GLIS3: variants seen among roughly 807,000 people sequenced by gnomAD.
The protein encoded by GLIS3 is zinc finger protein GLIS3.
In GLIS3, 53 loss-of-function variants were observed where a neutral mutation model predicts 78.6. The ratio of observed to expected loss-of-function variants is 0.67; its 90% CI spans 0.54 to 0.85. The LOEUF (loss-of-function observed/expected upper bound fraction) is 0.85, where lower values mean the gene tolerates loss of function less well. Ranked by LOEUF, GLIS3 falls within the 40% of genes least tolerant of loss-of-function variation. GLIS3 has a pLI of 0.00. For synonymous variants in GLIS3, 684 were observed against 509.9 expected (o/e 1.34, Z -4.60); for missense variants, 1,703 against 1,231.1 (o/e 1.38, Z -5.74).
At chr9:4,324,962 G>A (rs1051634020) in intron 2 of GLIS3, among the ~76,000 whole-genome samples, 2 of 152,214 alleles carry the variant, frequency 1.3e-5, no homozygotes, top group African/African-American at 4.8e-5. Flanking sequence ...CTGTGTGCTA[G>A]GTAATATGTC....
intron 2 of GLIS3, 38 bp downstream of exon 2, chr9:4,286,000 G>A (rs199976011): frequency 2.6e-5 from 42 of 1,613,120 alleles, no homozygotes; most frequent in Admixed American, 8.3e-5. Context: ...GAAAAAAATC[G>A]TTTCCATTTT....
At position 4,077,406 on chromosome 9, in the gene GLIS3, T is replaced by C. The variant is rs574806398; in HGVS notation, c.1710+40362A>G. ...AACCAAAACATCCATGCAGCATGTC[T>C]TAGAGACAGGAGAGGGACTGGGCAT... On this transcript the variant is annotated intron_variant, in intron 4 of 10. Coordinates refer to ENST00000381971, the MANE Select transcript of GLIS3 (RefSeq NM_001042413.2). 2.0e-5 allele frequency among the ~76,000 whole-genome samples: 3 copies of C among 152,278 alleles called. No individual in the cohort carries two copies. In the East Asian group the frequency reaches 5.8e-4, roughly 29 times the overall value.
intron 4 of GLIS3, among the ~76,000 whole-genome samples, chr9:3,985,322 C>G (rs1819650118): frequency 6.6e-6 from 1 of 151,980 alleles, no homozygotes; most frequent in East Asian, 1.9e-4. Context: ...GTTTTTTGTA[C>G]TTCTTAGTAG....
chr9:3,963,811 A>G (rs1817739981), intron 4 of GLIS3, among the ~76,000 whole-genome samples: 1 of 152,016 alleles, frequency 6.6e-6, no homozygotes, highest in African/African-American at 2.4e-5. Flanking sequence ...TTCCTGGTAC[A>G]GAAACTGTAA....
chr9:3,901,234 G>T, intron 6 of GLIS3: 1 of 183,456 alleles, frequency 5.5e-6, no homozygotes, highest in Non-Finnish European at 1.1e-5. Context: ...TGAATAAACA[G>T]CCTTGTTGCT....
At chr9:4,073,602 GT>G (rs1234575967) in intron 4 of GLIS3, among the ~76,000 whole-genome samples, 1 of 152,090 alleles carries the variant, frequency 6.6e-6, no homozygotes, top group Non-Finnish European at 1.5e-5. Context: ...CCTGCTGGTG[GT>G]TCATGAAAAG....
chr9:4,128,980 T>C (rs970849325), intron 2 of GLIS3, among the ~76,000 whole-genome samples: 1 of 152,224 alleles, frequency 6.6e-6, no homozygotes, highest in Admixed American at 6.5e-5. Flanking sequence ...AATGGTATCC[T>C]TGAAGCATGA....
At chr9:4,181,269 G>A (rs543811072) in intron 2 of GLIS3, among the ~76,000 whole-genome samples, 54 of 152,334 alleles carry the variant, frequency 3.5e-4, no homozygotes, top group African/African-American at 1.2e-3. Context: ...GACAGCACTC[G>A]CCTCATGCAG....
At chr9:4,360,628 ATCCAGTCCTTTGC>A in the GLIS3 span, among the ~76,000 whole-genome samples, 1 of 152,236 alleles carries the variant, frequency 6.6e-6, no homozygotes, top group African/African-American at 2.4e-5. Flanking sequence ...GATGAGAGAT[ATCCAGTCCTTTGC>A]TCATGGCAAA....
At position 4,059,829 on chromosome 9, in the gene GLIS3, T is replaced by TGTGTGTGTGTGAGAGAGA; in HGVS notation, c.1710+57938_1710+57939insTCTCTCTCACACACACAC. On this transcript the variant is annotated intron_variant, in intron 4 of 10. Transcript: ENST00000381971. ...TTGTGTGTGTGTGTGTGTGTGTGTG[T>TGTGTGTGTGTGAGAGAGA]GAGAGAGAGAGAGAGAGAGAGAGAG... 2.1e-3 allele frequency among the ~76,000 whole-genome samples: 215 copies of TGTGTGTGTGTGAGAGAGA among 100,688 alleles called. 1 individual carries two copies. Among genetic ancestry groups the TGTGTGTGTGTGAGAGAGA allele is most frequent in the South Asian group, 6.4e-3 (16 of 2,486 alleles). 66.1% of individuals were successfully genotyped at this position (100,688 alleles called of 152,430 possible).
chr9:3,932,338 G>T, intron 6 of GLIS3, 22 bp downstream of exon 6: 1 of 1,555,796 alleles, frequency 6.4e-7, no homozygotes, highest in Non-Finnish European at 8.9e-7. Context: ...TTCCCGACTG[G>T]AAGATTCTCT....
intron 4 of GLIS3, among the ~76,000 whole-genome samples, chr9:4,081,024 T>G (rs1828517081): frequency 1.3e-5 from 2 of 152,200 alleles, no homozygotes; most frequent in Non-Finnish European, 2.9e-5. Context: ...GTTTTTCCAG[T>G]CTTGCCTGGC....
chr9:3,853,312 T>C (rs1351949699), intron 9 of GLIS3, among the ~76,000 whole-genome samples: 1 of 152,218 alleles, frequency 6.6e-6, no homozygotes, highest in African/African-American at 2.4e-5. Context: ...AGAAGAGTAT[T>C]TTGCCAAGAG....
At chr9:4,322,511 C>G (rs1817548402) in intron 2 of GLIS3, among the ~76,000 whole-genome samples, 1 of 152,190 alleles carries the variant, frequency 6.6e-6, no homozygotes, top group African/African-American at 2.4e-5. Flanking sequence ...AGTTTACACT[C>G]CCACCAATAG....
chr9:4,044,521 C>T (rs1825089660), intron 4 of GLIS3, among the ~76,000 whole-genome samples: 1 of 152,256 alleles, frequency 6.6e-6, no homozygotes, highest in East Asian at 1.9e-4. Context: ...GAAAATTATT[C>T]ACAGAGAAGG....
At chr9:3,913,359 T>C (rs1010948488) in intron 6 of GLIS3, among the ~76,000 whole-genome samples, 13 of 152,216 alleles carry the variant, frequency 8.5e-5, no homozygotes, top group African/African-American at 3.1e-4. Context: ...AGTATAGTTT[T>C]TCTCCTCGTT....
chr9:4,414,997 C>G, the GLIS3 span, among the ~76,000 whole-genome samples: 1 of 152,206 alleles, frequency 6.6e-6, no homozygotes, highest in South Asian at 2.1e-4. Context: ...TAGTTCTATA[C>G]AGAGTTCTTT....
At chr9:4,330,455 T>C (rs1314345887) in intron 2 of GLIS3, among the ~76,000 whole-genome samples, 2 of 152,218 alleles carry the variant, frequency 1.3e-5, no homozygotes, top group South Asian at 2.1e-4. Context: ...TAGGCTTTGA[T>C]AGTTAATTAA....
At position 4,118,771 on chromosome 9, in the gene GLIS3, G is replaced by C. The variant is rs1264261637; in HGVS notation, c.707C>G (p.Ser236Trp). 6.2e-7 allele frequency: 1 copy of C among 1,613,142 alleles called. No homozygotes were observed. Among genetic ancestry groups the C allele is most frequent in the African/African-American group, 1.3e-5 (1 of 75,020 alleles). The change falls in exon 4 of 11, where the codon TCG (serine) becomes TGG (tryptophan). Residue 236 changes from serine (S) to tryptophan (W), a missense_variant. By Grantham distance (177) the Ser-to-Trp change is radical. Transcript: ENST00000381971. This position sits in a 1 kb window ranked among gnomAD's most constrained non-coding sequence, Gnocchi z 4.7. ...EWSQGYRALP[S>W]LSNHGSQNGL... ...ATTCTGAGAGCCGTGGTTGGAGAGC[G>C]AAGGGAGGGCCCTGTAGCCCTGGGA...
Sources: allele counts gnomAD v4.1 joint callset (sites outside exome capture counted in the v4.1 genomes callset), GRCh38; gene constraint gnomAD v4.1.1; non-coding constraint Gnocchi (gnomAD v3.1); transcripts MANE v1.5; gene names NCBI Gene and HGNC (gene_info 2026-07-23, HGNC 2026-07-21).